Variants in BRD1 observed in about 807,000 individuals in gnomAD.
The protein encoded by BRD1 is bromodomain-containing protein 1.
A neutral mutation model predicts 107.7 loss-of-function variants in BRD1; 24 were observed. That is an observed-to-expected ratio of 0.22 (90% CI 0.16 to 0.31). BRD1 has a LOEUF of 0.31. Among genes scored for constraint, BRD1 ranks in the 10% least tolerant of loss-of-function variants. The probability of loss-of-function intolerance (pLI) is 1.00; values close to 1 mark genes in which losing one functional copy is unlikely to be tolerated. For synonymous variants in BRD1, 744 were observed against 686.1 expected, an observed-to-expected ratio of 1.08 and a Z score of -1.32; for missense variants, 1,279 against 1,638.6, an observed-to-expected ratio of 0.78 and a Z score of 3.79.
At chr22:49,778,425 T>C (rs547903701) in intron 8 of BRD1, among the ~76,000 whole-genome samples, 9 of 152,370 alleles carry the variant, frequency 5.9e-5, no homozygotes, top group African/African-American at 2.2e-4. Context: ...TCACTCACCA[T>C]GAAGCTGCAA....
rs773768492 is a variant in BRD1, at chr22:49,822,946, C to G, written c.1367+5G>C. On this transcript the variant is annotated splice_donor_5th_base_variant and intron_variant, in intron 2 of 12. Coordinates refer to ENST00000404760, the MANE Select transcript of BRD1 (RefSeq NM_001304808.3). The stretch of plus-strand genomic sequence containing the variant: ...CTTGTGGACTCAATGCTTGGACACG[C>G]TTACCTCTGCGGGGGAATATAAGGA... 38 of 1,613,104 alleles carry G rather than the reference C, an allele frequency of 2.4e-5. No individual in the cohort carries two copies. Among genetic ancestry groups the G allele is most frequent in the Non-Finnish European group, 3.2e-5 (38 of 1,179,444 alleles).
In BRD1 at chr22:49,816,970, G is replaced by A. The variant is rs534054236; in HGVS notation, c.1367+5981C>T. Among the ~76,000 whole-genome samples, 5 of 152,342 alleles carry A rather than the reference G, an allele frequency of 3.3e-5. No individual in the cohort carries two copies. In the South Asian group the frequency reaches 6.2e-4, roughly 19 times the overall value. On this transcript the variant is annotated intron_variant, in intron 2 of 12. Transcript: ENST00000404760. ...TTGCTATCCATCCGCCAGGACCTGA[G>A]GGAAGAGAACTGCCGGACCCCATTC...
At chr22:49,822,379 G>A (rs945068411) in intron 2 of BRD1, among the ~76,000 whole-genome samples, 2 of 151,180 alleles carry the variant, frequency 1.3e-5, no homozygotes, top group African/African-American at 2.4e-5. Context: ...AGCTGAAATC[G>A]TGCCACTACA....
intron 7 of BRD1, among the ~76,000 whole-genome samples, chr22:49,788,751 C>A (rs2059377005): frequency 6.6e-6 from 1 of 152,138 alleles, no homozygotes; most frequent in Non-Finnish European, 1.5e-5. Flanking sequence ...CTGAGGCTTC[C>A]TTCCAAGCAG....
intron 7 of BRD1, 137 bp downstream of exon 7, chr22:49,793,896 TG>T (rs2147104669): frequency 8.2e-7 from 1 of 1,218,394 alleles, no homozygotes; most frequent in South Asian, 1.5e-5. Flanking sequence ...CCGGGATTTG[TG>T]AATTTTACGG....
At chr22:49,787,980 T>A in intron 7 of BRD1, 93 bp from the exon 8 acceptor site, 2 of 1,201,634 alleles carry the variant, frequency 1.7e-6, no homozygotes, top group Non-Finnish European at 2.3e-6. Context: ...ACCAAAATAC[T>A]AATTCAGTTA....
At chr22:49,798,490 C>T (rs536119519) in intron 5 of BRD1, 68 bp downstream of exon 5, 28 of 1,612,550 alleles carry the variant, frequency 1.7e-5, no homozygotes, top group Non-Finnish European at 2.0e-5. Context: ...ACACGTTTCC[C>T]GGTCAAACGG....
At chr22:49,796,835 G>A (rs887364456) in intron 6 of BRD1, among the ~76,000 whole-genome samples, 1 of 142,078 alleles carries the variant, frequency 7.0e-6, no homozygotes, top group Non-Finnish European at 1.6e-5. Context: ...ACCCCACGAT[G>A]GCGGGAACGT....
chr22:49,778,976 T>C (rs2059153479), intron 8 of BRD1, among the ~76,000 whole-genome samples: 1 of 152,170 alleles, frequency 6.6e-6, no homozygotes, highest in Non-Finnish European at 1.5e-5. Context: ...AATTTTTTTA[T>C]CCAAAAAGAA....
intron 8 of BRD1, 43 bp from the exon 9 acceptor site, chr22:49,777,856 G>A: frequency 6.4e-7 from 1 of 1,558,508 alleles, no homozygotes; most frequent in African/African-American, 1.3e-5. Context: ...CACAACCAGG[G>A]CACACTGAAG....
At chr22:49,775,350 G>A (rs899249653) in intron 12 of BRD1, 1 of 337,152 alleles carries the variant, frequency 3.0e-6, no homozygotes, top group Non-Finnish European at 5.3e-6. Context: ...TCAGGCGAGA[G>A]GGAGAGGAAG....
chr22:49,776,262 G>A (rs2059097976), intron 10 of BRD1, 103 bp from the exon 11 acceptor site: 2 of 1,005,008 alleles, frequency 2.0e-6, no homozygotes, highest in African/African-American at 1.6e-5. Flanking sequence ...CCCGAGCACA[G>A]CCCAGCTCCC....
chr22:49,780,878 C>A (rs1358441590), intron 8 of BRD1, among the ~76,000 whole-genome samples: 1 of 152,220 alleles, frequency 6.6e-6, no homozygotes, highest in African/African-American at 2.4e-5. Context: ...AACCCAGGGC[C>A]TAAGGTCTGC....
rs1205244975 is a variant in BRD1 at position 49,792,700 on chromosome 22, C to CCAGAA, written c.2359+1329_2359+1333dup. Among the ~76,000 whole-genome samples, 3 of 152,072 alleles carry CCAGAA rather than the reference C, an allele frequency of 2.0e-5. No homozygotes were observed. Among genetic ancestry groups the CCAGAA allele is most frequent in the Non-Finnish European group, 2.9e-5 (2 of 68,008 alleles). ...CTATGGTGAACTAAACAGAAGAATC[C>CCAGAA]CAGAACAGAACAACAAACAGGCACA... On this transcript the variant is annotated intron_variant, in intron 7 of 12. Coordinates refer to ENST00000404760, the MANE Select transcript of BRD1 (RefSeq NM_001304808.3). The surrounding 1 kb of genome is among the most constrained non-coding windows in gnomAD (Gnocchi z 4.2).
Position 49,823,430 on chromosome 22 carries a change from C to G in BRD1, c.888G>C (p.Leu296=), listed in dbSNP as rs147807626. ...TGGCAAAGCCGACCTCTGGGATCCACAGGGCACACACCACGTGACCCCAGC... is the reference window on the plus strand; with the variant it reads ...TGGCAAAGCCGACCTCTGGGATCCAGAGGGCACACACCACGTGACCCCAGC... ...DDRWGHVVCA[L]WIPEVGFANT... is the part of the protein sequence containing the mutation. The change falls in exon 2 of 13, where the codon CTG becomes CTC. Residue 296 remains leucine, a synonymous_variant. Transcript: ENST00000404760. 6 of 1,612,042 alleles carry G rather than the reference C, an allele frequency of 3.7e-6. No individual in the cohort carries two copies. Among genetic ancestry groups the G allele is most frequent in the Non-Finnish European group, 2.5e-6 (3 of 1,180,026 alleles).
chr22:49,823,019 A>T lies in BRD1; in HGVS notation c.1299T>A (p.Ala433=), dbSNP rs763695420. 2 of 1,614,118 alleles carry T rather than the reference A, an allele frequency of 1.2e-6. No individual in the cohort carries two copies. ...TSKVRKKAKK[A]KKALAEPCAV... is the part of the protein sequence containing the mutation. ...CGCAGGGCTCAGCCAGAGCTTTCTT[A>T]GCCTTTTTTGCCTTCTTCCTGACCT... is the stretch of plus-strand genomic sequence containing the variant. The change falls in exon 2 of 13, where the codon GCT becomes GCA. Residue 433 remains alanine (A), a synonymous_variant. Transcript: ENST00000404760.
At chr22:49,794,662 G>A (rs530618929) in intron 6 of BRD1, among the ~76,000 whole-genome samples, 195 of 152,326 alleles carry the variant, frequency 1.3e-3, no homozygotes, top group Middle Eastern at 6.8e-3. Context: ...AGAGGCGCAC[G>A]CTCCACCAAC....
Position 49,797,901 on chromosome 22 carries a change from G to A in BRD1, c.2002C>T (p.Arg668Cys), listed in dbSNP as rs770362688. ...QGGVVLRQAR[R>C]EVDSIGLEEA... is the part of the protein sequence containing the mutation. ...TCCAAGCCGATGCTGTCCACCTCGCGCCGGGCCTGCCTCAGAACAACACCT... is the reference window on the plus strand; with the variant it reads ...TCCAAGCCGATGCTGTCCACCTCGCACCGGGCCTGCCTCAGAACAACACCT... Residue 668 changes from arginine to cysteine, a missense_variant, in exon 6 of 13, where the codon CGC (arginine) becomes TGC (cysteine). Coordinates refer to ENST00000404760, the MANE Select transcript of BRD1 (RefSeq NM_001304808.3). 5.0e-6 allele frequency: 8 copies of A among 1,613,996 alleles called. No homozygotes were observed. Among genetic ancestry groups the A allele is most frequent in the South Asian group, 3.3e-5 (3 of 91,086 alleles).
chr22:49,790,861 C>A (rs906721420), intron 7 of BRD1, among the ~76,000 whole-genome samples: 1 of 152,248 alleles, frequency 6.6e-6, no homozygotes, highest in African/African-American at 2.4e-5. Flanking sequence ...CGCCCGTGCA[C>A]GGCAGGGGGA....
Sources: allele counts gnomAD v4.1 joint callset (sites outside exome capture counted in the v4.1 genomes callset), GRCh38; gene constraint gnomAD v4.1.1; non-coding constraint Gnocchi (gnomAD v3.1); transcripts MANE v1.5; gene names NCBI Gene and HGNC (gene_info 2026-07-23, HGNC 2026-07-21).